RFX3: variants seen among roughly 807,000 people sequenced by gnomAD.
RFX3 encodes the protein transcription factor RFX3.
Under a neutral mutation model 98.6 loss-of-function variants are expected in RFX3, and 14 were observed. That is an observed-to-expected ratio of 0.14 (90% CI 0.09 to 0.22). The LOEUF (loss-of-function observed/expected upper bound fraction) is 0.22, where lower values mean the gene tolerates loss of function less well. Ranked by LOEUF, RFX3 falls within the 10% of genes least tolerant of loss-of-function variation. The pLI, the probability that RFX3 is intolerant of heterozygous loss-of-function variation, is 1.00. For synonymous variants in RFX3, 383 were observed against 328.4 expected (o/e 1.17, Z -1.80); for missense variants, 639 against 926.9 (o/e 0.69, Z 4.03).
Position 3,345,215 on chromosome 9 carries a change from G to C in RFX3, c.215+1452C>G, listed in dbSNP as rs200521502. On this transcript the variant is annotated intron_variant, in intron 3 of 16. Coordinates refer to ENST00000617270, the MANE Select transcript of RFX3 (RefSeq NM_001282116.2). ...ATGTCTGTCTATAAAGATCACACTA[G>C]ACTGGGTTTAGGGAGACTGGGAGGA... Among the ~76,000 whole-genome samples, 24 of 152,232 alleles carry C rather than the reference G, an allele frequency of 1.6e-4. No individual in the cohort carries two copies. The East Asian group carries it at 4.1e-3, about 26-fold the overall frequency.
chr9:3,493,700 A>T (rs10972242), intron 1 of RFX3, among the ~76,000 whole-genome samples: 5,863 of 70,200 alleles, frequency 0.084, 164 homozygotes, highest in Non-Finnish European at 0.1. Flanking sequence ...AAAAAAAAAA[A>T]ATATATATAT....
intron 15 of RFX3, among the ~76,000 whole-genome samples, chr9:3,233,192 G>T (rs1375915467): frequency 6.6e-6 from 1 of 152,200 alleles, no homozygotes; most frequent in Non-Finnish European, 1.5e-5. Flanking sequence ...AAATATTCGT[G>T]TAAGACTAGC....
intron 2 of RFX3, 61 bp downstream of exon 2, chr9:3,395,411 A>G (rs191781867): frequency 2.5e-6 from 4 of 1,588,838 alleles, no homozygotes; most frequent in Non-Finnish European, 1.7e-6. Flanking sequence ...GGATACAGGT[A>G]TGTTGGACAG....
intron 1 of RFX3, among the ~76,000 whole-genome samples, chr9:3,498,620 T>C (rs754846304): frequency 3.9e-5 from 6 of 152,138 alleles, no homozygotes; most frequent in Non-Finnish European, 5.9e-5. Flanking sequence ...ATATTATTTT[T>C]AAGCAGTAGC....
rs190759225 is a variant in RFX3 at position 3,267,917 on chromosome 9, C to T, written c.1358-1612G>A. On this transcript the variant is annotated intron_variant, in intron 11 of 16. Coordinates refer to ENST00000617270, the MANE Select transcript of RFX3 (RefSeq NM_001282116.2). The stretch of plus-strand genomic sequence containing the variant: ...AATTAGTGTACATTAATTATTTAAT[C>T]TGAAAAATAACCCCCAAATCTATAA... Among the ~76,000 whole-genome samples the T allele has an allele frequency of 2.6e-5, 4 of 151,932 alleles. No individual in the cohort carries two copies. In the East Asian group the frequency reaches 7.7e-4, roughly 29 times the overall value.
chr9:3,227,273 G>A (rs1817887716), intron 16 of RFX3, among the ~76,000 whole-genome samples: 1 of 152,178 alleles, frequency 6.6e-6, no homozygotes, highest in Admixed American at 6.5e-5. Flanking sequence ...GTTGTGGATG[G>A]AAAGGGTAGT....
At chr9:3,503,889 T>A (rs1816323083) in intron 1 of RFX3, among the ~76,000 whole-genome samples, 1 of 151,830 alleles carries the variant, frequency 6.6e-6, no homozygotes, top group South Asian at 2.1e-4. Flanking sequence ...AAACTAAGGG[T>A]ATAACCAACC....
intron 1 of RFX3, among the ~76,000 whole-genome samples, chr9:3,446,631 C>T (rs1027857871): frequency 1.3e-5 from 2 of 151,554 alleles, no homozygotes; most frequent in South Asian, 4.1e-4. Flanking sequence ...CAACTCTCAC[C>T]ATTTAAAATT....
At chr9:3,265,072 C>T (rs1249002107) in intron 12 of RFX3, among the ~76,000 whole-genome samples, 1 of 147,520 alleles carries the variant, frequency 6.8e-6, no homozygotes, top group Non-Finnish European at 1.5e-5. Flanking sequence ...CCATGATGGA[C>T]ATGCTCTACA....
chr9:3,286,360 C>T (rs1422986284), intron 7 of RFX3, among the ~76,000 whole-genome samples: 1 of 151,422 alleles, frequency 6.6e-6, no homozygotes, highest in Non-Finnish European at 1.5e-5. Context: ...TTTCAGAGCC[C>T]TTCTTATTTT....
intron 1 of RFX3, chr9:3,420,865 C>T (rs1220739621): frequency 4.1e-6 from 4 of 984,934 alleles, no homozygotes; most frequent in African/African-American, 3.5e-5. Context: ...TCCCTTAGAT[C>T]CTGATCTGCA....
chr9:3,349,325 A>T (rs1455318704), intron 2 of RFX3, among the ~76,000 whole-genome samples: 1 of 152,046 alleles, frequency 6.6e-6, no homozygotes, highest in Non-Finnish European at 1.5e-5. Context: ...TGCCCTTAAG[A>T]TATATGCCCC....
intron 1 of RFX3, among the ~76,000 whole-genome samples, chr9:3,492,326 T>C (rs1008573752): frequency 3.3e-5 from 5 of 152,222 alleles, no homozygotes; most frequent in Non-Finnish European, 7.3e-5. Flanking sequence ...TTGACACTCA[T>C]GTCAGATGTC....
intron 2 of RFX3, among the ~76,000 whole-genome samples, chr9:3,394,498 C>T (rs1432798615): frequency 6.6e-6 from 1 of 152,144 alleles, no homozygotes; most frequent in African/African-American, 2.4e-5. Flanking sequence ...ACGATTATCT[C>T]AGATGTCTTT....
chr9:3,287,973 C>A (rs1242753337), intron 7 of RFX3, among the ~76,000 whole-genome samples, 158 bp downstream of exon 7: 4 of 151,958 alleles, frequency 2.6e-5, no homozygotes, highest in African/African-American at 9.7e-5. Flanking sequence ...CAGGCGAGAT[C>A]ACTGAAATTC....
chr9:3,299,936 T>C (rs1489123012), intron 5 of RFX3, among the ~76,000 whole-genome samples: 2 of 151,302 alleles, frequency 1.3e-5, no homozygotes, highest in Non-Finnish European at 3.0e-5. Context: ...CAAGTAAAAA[T>C]GAACCCTGAG....
chr9:3,362,271 C>T (rs931232582), intron 2 of RFX3, among the ~76,000 whole-genome samples: 23 of 152,118 alleles, frequency 1.5e-4, no homozygotes, highest in African/African-American at 5.3e-4. Flanking sequence ...CCTTCCATGT[C>T]AAAGAATGTG....
chr9:3,370,011 TTTTG>T (rs1311239768), intron 2 of RFX3, among the ~76,000 whole-genome samples: 3 of 141,290 alleles, frequency 2.1e-5, no homozygotes, highest in African/African-American at 7.6e-5. Flanking sequence ...TTTTTTTTTT[TTTTG>T]TATTTTTAGT....
chr9:3,451,214 C>A (rs1846594191), intron 1 of RFX3, among the ~76,000 whole-genome samples: 1 of 152,124 alleles, frequency 6.6e-6, no homozygotes, highest in Non-Finnish European at 1.5e-5. Context: ...TGGATTATAA[C>A]CCAAAAATCA....
Sources: gnomAD v4.1 joint callset for allele counts (sites outside exome capture counted in the v4.1 genomes callset) on GRCh38, gnomAD v4.1.1 for gene constraint, MANE v1.5 for transcripts, NCBI Gene and HGNC (gene_info 2026-07-23, HGNC 2026-07-21) for gene names.